The following SLC8A1 variants were observed in gnomAD, a reference collection of about 807,000 sequenced individuals.
SLC8A1 encodes the protein sodium/calcium exchanger 1.
Under a neutral mutation model 68.3 loss-of-function variants are expected in SLC8A1, and 18 were observed. That is an observed-to-expected ratio of 0.26 (90% CI 0.18 to 0.39). The LOEUF (loss-of-function observed/expected upper bound fraction) is 0.39. Ranked by LOEUF, SLC8A1 falls within the 10% of genes least tolerant of loss-of-function variation. The pLI is 1.00. For synonymous variants in SLC8A1, 475 were observed against 415.5 expected (o/e 1.14, Z -1.74); for missense variants, 985 against 1,156.7 (o/e 0.85, Z 2.15).
chr2:40,127,565 C>T (rs2038402273), intron 7 of SLC8A1, among the ~76,000 whole-genome samples: 1 of 152,178 alleles, frequency 6.6e-6, no homozygotes, highest in African/African-American at 2.4e-5. Context: ...GCGACTATAA[C>T]TCAGGAATCA....
At chr2:40,208,980 T>C (rs2056041598) in intron 2 of SLC8A1, 1 of 152,112 alleles carries the variant, frequency 6.6e-6, no homozygotes, top group Non-Finnish European at 1.5e-5. Flanking sequence ...TCAGTAATTA[T>C]TTACAAATAC....
chr2:40,380,922 G>T (rs1681548350), intron 2 of SLC8A1, among the ~76,000 whole-genome samples: 1 of 151,994 alleles, frequency 6.6e-6, no homozygotes, highest in Non-Finnish European at 1.5e-5. Flanking sequence ...AAAAATGTCT[G>T]GCTTTCTGTG....
chr2:40,250,112 A>G (rs918888064), intron 2 of SLC8A1, among the ~76,000 whole-genome samples: 3 of 152,218 alleles, frequency 2.0e-5, no homozygotes, highest in Non-Finnish European at 2.9e-5. Flanking sequence ...TAAAGGGGAC[A>G]TTGTGATGAC....
At chr2:40,225,546 T>G (rs1050315665) in intron 2 of SLC8A1, among the ~76,000 whole-genome samples, 1 of 152,130 alleles carries the variant, frequency 6.6e-6, no homozygotes, top group Non-Finnish European at 1.5e-5. Context: ...AGTTAAAGAC[T>G]ATAATGAATC....
At chr2:40,174,749 A>C in intron 4 of SLC8A1, 29 bp from the exon 6 acceptor site, 1 of 1,570,196 alleles carries the variant, frequency 6.4e-7, no homozygotes, top group Non-Finnish European at 8.7e-7. Flanking sequence ...AAAATGAGAA[A>C]TTTTTTTTAA....
intron 2 of SLC8A1, among the ~76,000 whole-genome samples, chr2:40,388,556 T>C (rs1158500744): frequency 6.6e-6 from 1 of 152,166 alleles, no homozygotes; most frequent in Non-Finnish European, 1.5e-5. Flanking sequence ...ACTCTATGCA[T>C]CTAAGCAACA....
chr2:40,139,526 G>T (rs759611239), exon 7 of SLC8A1: 1 of 1,614,156 alleles, frequency 6.2e-7, no homozygotes, highest in Non-Finnish European at 8.5e-7. Context: ...CATGAGGATG[G>T]AGACAATGAA....
At chr2:40,224,026 A>G (rs1271780686) in intron 2 of SLC8A1, among the ~76,000 whole-genome samples, 2 of 152,172 alleles carry the variant, frequency 1.3e-5, no homozygotes, top group African/African-American at 4.8e-5. Flanking sequence ...ATGTGGGCCC[A>G]GCATGGTATA....
At chr2:40,274,006 C>T (rs895514886) in intron 2 of SLC8A1, among the ~76,000 whole-genome samples, 1 of 151,624 alleles carries the variant, frequency 6.6e-6, no homozygotes, top group African/African-American at 2.4e-5. Flanking sequence ...CTGTGCCCCT[C>T]TCTCCACAGC....
chr2:40,175,296 G>C lies in SLC8A1; in HGVS notation c.1913-454C>G. 6.2e-7 allele frequency: 1 copy of C among 1,611,724 alleles called. No individual in the cohort carries two copies. The highest frequency in any genetic ancestry group is 8.5e-7 in the Non-Finnish European group (1 of 1,178,342). ...CAATAACAGGGCTGTGAAGGAAACA[G>C]ACAAAGACAAACACAGAATAAGAGA... On this transcript the variant is annotated intron_variant, in intron 3 of 7. Transcript: ENST00000406785.
intron 2 of SLC8A1, among the ~76,000 whole-genome samples, chr2:40,249,886 TAATTGAA>T (rs1301604391): frequency 6.6e-6 from 1 of 151,984 alleles, no homozygotes. Flanking sequence ...TTGCAGATTT[TAATTGAA>T]AAAAATATAT....
chr2:40,498,635 C>G (rs1420521410), intron 1 of SLC8A1, among the ~76,000 whole-genome samples: 5 of 152,082 alleles, frequency 3.3e-5, no homozygotes, highest in East Asian at 1.9e-4. Context: ...TTCCTAACAA[C>G]TGTGCTCAAA....
exon 8 of SLC8A1, chr2:40,103,038 A>G (rs1367817775): frequency 6.6e-6 from 1 of 152,094 alleles, no homozygotes; most frequent in African/African-American, 2.4e-5. Flanking sequence ...AATGTCAGTA[A>G]TTTTTGCTTA....
At chr2:40,448,984 C>T (rs1007944240) in intron 1 of SLC8A1, among the ~76,000 whole-genome samples, 1 of 152,054 alleles carries the variant, frequency 6.6e-6, no homozygotes. Flanking sequence ...CTCTAACAGC[C>T]TCTTCTAGAG....
intron 2 of SLC8A1, among the ~76,000 whole-genome samples, chr2:40,400,740 TAGG>T (rs1688483136): frequency 6.6e-6 from 1 of 151,380 alleles, no homozygotes; most frequent in Non-Finnish European, 1.5e-5. Flanking sequence ...AAGATGGGGG[TAGG>T]AGAGGGCTCT....
intron 2 of SLC8A1, among the ~76,000 whole-genome samples, chr2:40,264,370 A>G (rs1285233161): frequency 2.0e-5 from 3 of 152,138 alleles, no homozygotes; most frequent in African/African-American, 7.2e-5. Context: ...AAAGGATTAT[A>G]AATCATGCTG....
intron 2 of SLC8A1, among the ~76,000 whole-genome samples, chr2:40,277,533 C>G (rs2066882934): frequency 6.6e-6 from 1 of 151,680 alleles, no homozygotes; most frequent in Non-Finnish European, 1.5e-5. Context: ...GAGTGAGACT[C>G]TGTCTCAAGA....
chr2:40,148,677 C>G (rs1280163171), intron 6 of SLC8A1, among the ~76,000 whole-genome samples: 1 of 152,224 alleles, frequency 6.6e-6, no homozygotes, highest in African/African-American at 2.4e-5. Flanking sequence ...CTCACAGATC[C>G]TGTGTGCCTC....
intron 2 of SLC8A1, among the ~76,000 whole-genome samples, chr2:40,187,189 C>T (rs144477544): frequency 5.6e-4 from 85 of 152,262 alleles, no homozygotes; most frequent in South Asian, 6.2e-4. Flanking sequence ...AACTCAAGAA[C>T]GCAGGGAGCA....
Sources: gnomAD v4.1 joint callset for allele counts (sites outside exome capture counted in the v4.1 genomes callset) on GRCh38, gnomAD v4.1.1 for gene constraint, MANE v1.5 for transcripts, NCBI Gene and HGNC (gene_info 2026-07-23, HGNC 2026-07-21) for gene names.